The following TENM2 variants were observed in gnomAD, a reference collection of about 807,000 sequenced individuals.
TENM2 encodes teneurin-2.
Under a neutral mutation model 245.2 loss-of-function variants are expected in TENM2, and 52 were observed. The ratio of observed to expected loss-of-function variants is 0.21; its 90% CI spans 0.17 to 0.27. TENM2 has a LOEUF of 0.27. Ranked by LOEUF, TENM2 falls within the 10% of genes least tolerant of loss-of-function variation. The probability of loss-of-function intolerance (pLI) is 1.00; values close to 1 mark genes in which losing one functional copy is unlikely to be tolerated. For synonymous variants in TENM2, 1,363 were observed against 1,438.9 expected (o/e 0.95, Z 1.19); for missense variants, 3,046 against 3,666.8 (o/e 0.83, Z 4.37).
intron 4 of TENM2, among the ~76,000 whole-genome samples, chr5:167,982,871 G>T (rs576438120): frequency 1.3e-5 from 2 of 152,284 alleles, no homozygotes; most frequent in African/African-American, 4.8e-5. Context: ...GGTCCTTCCA[G>T]CTTGAACACT....
chr5:167,856,801 A>G (rs1771139742), intron 2 of TENM2, among the ~76,000 whole-genome samples: 1 of 152,228 alleles, frequency 6.6e-6, no homozygotes, highest in Non-Finnish European at 1.5e-5. Flanking sequence ...AACATTGTCT[A>G]CAGCCTTGCT....
intron 7 of TENM2, among the ~76,000 whole-genome samples, chr5:168,069,833 A>G (rs907977759): frequency 4.6e-5 from 7 of 152,144 alleles, no homozygotes; most frequent in Non-Finnish European, 7.4e-5. Context: ...TTATCAAGTC[A>G]AGGAGAATGG....
intron 2 of TENM2, among the ~76,000 whole-genome samples, chr5:167,416,677 C>CTGTTTTTGTTTTTGTTTT (rs61393561): frequency 4.0e-5 from 6 of 149,918 alleles, no homozygotes; most frequent in African/African-American, 1.5e-4. Context: ...TACTCTCTTG[C>CTGTTTTTGTTTTTGTTTT]TGTTTTTGTT....
At chr5:167,799,322 C>G (rs1394078020) in intron 2 of TENM2, among the ~76,000 whole-genome samples, 1 of 152,198 alleles carries the variant, frequency 6.6e-6, no homozygotes, top group Non-Finnish European at 1.5e-5. Flanking sequence ...ATTTCCAACT[C>G]TCTTTAGTCC....
At chr5:167,689,298 G>A (rs1456101598) in intron 2 of TENM2, among the ~76,000 whole-genome samples, 1 of 152,174 alleles carries the variant, frequency 6.6e-6, no homozygotes, top group Non-Finnish European at 1.5e-5. Flanking sequence ...ACGCTGGGGG[G>A]TCCTGGAGCC....
At chr5:167,042,052 G>T in the TENM2 span, among the ~76,000 whole-genome samples, 1 of 152,108 alleles carries the variant, frequency 6.6e-6, no homozygotes, top group Non-Finnish European at 1.5e-5. Context: ...GGGGGAGAAT[G>T]AATTCATCTT....
At chr5:168,162,947 TGGAGGCA>T (rs1299433016) in intron 13 of TENM2, among the ~76,000 whole-genome samples, 190 bp downstream of exon 15, 2 of 152,202 alleles carry the variant, frequency 1.3e-5, no homozygotes, top group Admixed American at 6.5e-5. Context: ...AGACACCGGC[TGGAGGCA>T]CTGGGGGTTG....
intron 1 of TENM2, among the ~76,000 whole-genome samples, chr5:167,350,593 T>A (rs1449801174): frequency 6.9e-6 from 1 of 145,464 alleles, no homozygotes; most frequent in Admixed American, 7.2e-5. Flanking sequence ...GGGATATATA[T>A]ATATGGATAT....
intron 2 of TENM2, among the ~76,000 whole-genome samples, chr5:167,453,449 A>G (rs1022263420): frequency 3.3e-5 from 5 of 152,186 alleles, no homozygotes; most frequent in Admixed American, 2.6e-4. Context: ...GGAAGACATC[A>G]CATTGTGAAC....
chr5:167,465,777 GC>G (rs1561979377), intron 2 of TENM2, among the ~76,000 whole-genome samples: 1 of 152,152 alleles, frequency 6.6e-6, no homozygotes, highest in Non-Finnish European at 1.5e-5. Context: ...CTTGCAGTAA[GC>G]GGAGATCGCG....
At chr5:167,487,810 T>A (rs565741248) in intron 2 of TENM2, among the ~76,000 whole-genome samples, 6 of 152,326 alleles carry the variant, frequency 3.9e-5, no homozygotes, top group Non-Finnish European at 4.4e-5. Flanking sequence ...CAAGTCTGGG[T>A]TGCCAATTTT....
rs563636937 is a variant in TENM2 at position 167,762,027 on chromosome 5, G to C, written c.503-113959G>C. Among the ~76,000 whole-genome samples the C allele has an allele frequency of 6.6e-5, 10 of 152,286 alleles. No individual in the cohort carries two copies. The East Asian group carries it at 1.9e-3, about 29-fold the overall frequency. ...GAAAGAATTAAGTACATGCAGAAGC[G>C]CTGCCTGACTTGGGGCTAGGTTGAG... On this transcript the variant is annotated intron_variant, in intron 2 of 28. Transcript: ENST00000518659.
chr5:167,007,676 C>CT, the TENM2 span, among the ~76,000 whole-genome samples: 3 of 151,572 alleles, frequency 2.0e-5, no homozygotes, highest in Non-Finnish European at 3.0e-5. This position sits in a 1 kb window ranked among gnomAD's most constrained non-coding sequence, Gnocchi z 4.2. Flanking sequence ...ATATTGTTGT[C>CT]TAACAGGCCC....
intron 2 of TENM2, among the ~76,000 whole-genome samples, chr5:167,468,852 G>T (rs1335816185): frequency 6.6e-6 from 1 of 152,112 alleles, no homozygotes; most frequent in African/African-American, 2.4e-5. Context: ...ATATGCACAG[G>T]AAGAGAAAGC....
chr5:168,083,171 C>G (rs754744893), intron 7 of TENM2, among the ~76,000 whole-genome samples: 100 of 152,216 alleles, frequency 6.6e-4, no homozygotes, highest in Non-Finnish European at 1.4e-3. Context: ...CTCCCCCAGC[C>G]TCGCTGCCAC....
chr5:167,567,532 G>A (rs567387295), intron 2 of TENM2, among the ~76,000 whole-genome samples: 3 of 152,228 alleles, frequency 2.0e-5, no homozygotes, highest in East Asian at 3.9e-4. Flanking sequence ...CTGCCCATGG[G>A]TCAACACAAA....
exon 3 of TENM2, chr5:167,876,056 T>C (rs1038525043): frequency 7.7e-6 from 12 of 1,551,434 alleles, no homozygotes; most frequent in Non-Finnish European, 1.0e-5. Flanking sequence ...CCCATAATCC[T>C]CCACCAGTTA....
intron 2 of TENM2, among the ~76,000 whole-genome samples, chr5:167,695,726 T>TAAA (rs869300441): frequency 7.1e-6 from 1 of 141,562 alleles, no homozygotes; most frequent in East Asian, 2.1e-4. Flanking sequence ...AATGGTGATT[T>TAAA]AAAAAAAAAA....
At chr5:167,862,901 G>T (rs1331801047) in intron 2 of TENM2, among the ~76,000 whole-genome samples, 1 of 152,170 alleles carries the variant, frequency 6.6e-6, no homozygotes, top group South Asian at 2.1e-4. Context: ...AAGAGAGCTC[G>T]CTGCAGACTG....
Sources: gnomAD v4.1 joint callset for allele counts (sites outside exome capture counted in the v4.1 genomes callset) on GRCh38, gnomAD v4.1.1 for gene constraint, Gnocchi (gnomAD v3.1) non-coding constraint, MANE v1.5 for transcripts, NCBI Gene and HGNC (gene_info 2026-07-23, HGNC 2026-07-21) for gene names.